Variants in HECW1 observed in about 807,000 individuals in gnomAD.
The protein encoded by HECW1 is HECT, C2 and WW domain containing E3 ubiquitin protein ligase 1.
Under a neutral mutation model 182.3 loss-of-function variants are expected in HECW1, and 61 were observed. The ratio of observed to expected loss-of-function variants is 0.33; its 90% confidence interval spans 0.27 to 0.41. The LOEUF is 0.41. Ranked by LOEUF, HECW1 falls within the 10% of genes least tolerant of loss-of-function variation. The probability of loss-of-function intolerance (pLI) is 1.00; values close to 1 mark genes in which losing one functional copy is unlikely to be tolerated. For synonymous variants in HECW1, 859 were observed against 832.6 expected, an observed-to-expected ratio of 1.03 and a Z score of -0.55; for missense variants, 1,739 against 2,108.9, an observed-to-expected ratio of 0.82 and a Z score of 3.44.
intron 10 of HECW1, among the ~76,000 whole-genome samples, chr7:43,443,001 A>G (rs148305770): frequency 5.7e-4 from 87 of 152,392 alleles, no homozygotes; most frequent in African/African-American, 1.9e-3. Context: ...CCTAGTAACT[A>G]GATATAGACT....
intron 24 of HECW1, among the ~76,000 whole-genome samples, chr7:43,513,247 A>C (rs1563076228): frequency 1.3e-5 from 2 of 152,206 alleles, no homozygotes; most frequent in African/African-American, 4.8e-5. Context: ...TTGCAAAGTC[A>C]GTGATAAATG....
At chr7:43,533,233 C>A (rs1038912521) in intron 24 of HECW1, among the ~76,000 whole-genome samples, 7 of 152,118 alleles carry the variant, frequency 4.6e-5, no homozygotes, top group African/African-American at 1.7e-4. Flanking sequence ...CAACTCTATT[C>A]TTTTGAGAAC....
intron 24 of HECW1, chr7:43,523,216 G>T: frequency 4.2e-6 from 1 of 240,458 alleles, no homozygotes; most frequent in South Asian, 3.7e-5. Context: ...GTTGGCCGGG[G>T]GGGGTCTCGA....
intron 6 of HECW1, among the ~76,000 whole-genome samples, chr7:43,386,361 G>T (rs2074797196): frequency 6.6e-6 from 1 of 152,200 alleles, no homozygotes; most frequent in African/African-American, 2.4e-5. Flanking sequence ...GCTCAGAAGG[G>T]TCCCCCTAGT....
intron 2 of HECW1, among the ~76,000 whole-genome samples, chr7:43,126,892 T>C (rs28573786): frequency 0.069 from 10,504 of 152,210 alleles, 1,235 homozygotes; most frequent in African/African-American, 0.24. Flanking sequence ...TCAATAACTG[T>C]GGTGTGTGTT....
intron 4 of HECW1, among the ~76,000 whole-genome samples, chr7:43,318,835 GT>G (rs1433244478): frequency 6.6e-6 from 1 of 152,354 alleles, no homozygotes; most frequent in East Asian, 1.9e-4. Context: ...CCTTGCCCAG[GT>G]TGTCCCTCCA....
intron 7 of HECW1, among the ~76,000 whole-genome samples, chr7:43,400,421 G>A (rs1015750891): frequency 6.6e-5 from 10 of 152,094 alleles, no homozygotes; most frequent in South Asian, 4.1e-4. Context: ...GACAAACGCC[G>A]GGACTACATG....
intron 26 of HECW1, among the ~76,000 whole-genome samples, chr7:43,544,895 G>T (rs1293405524): frequency 6.6e-6 from 1 of 152,160 alleles, no homozygotes; most frequent in Non-Finnish European, 1.5e-5. Flanking sequence ...CATGAAAAAT[G>T]TCTAAGATAT....
chr7:43,236,895 G>A (rs1421689890), intron 2 of HECW1, among the ~76,000 whole-genome samples: 1 of 152,128 alleles, frequency 6.6e-6, no homozygotes, highest in Non-Finnish European at 1.5e-5. Context: ...ATGGGAAGCA[G>A]GTTTGCCTGC....
At chr7:43,214,911 G>T (rs1029480) in intron 2 of HECW1, among the ~76,000 whole-genome samples, 1 of 152,038 alleles carries the variant, frequency 6.6e-6, no homozygotes, top group Admixed American at 6.5e-5. Context: ...GGGAGGCAGC[G>T]GGTGAGGGGG....
Position 43,541,847 on chromosome 7 carries a change from C to G in HECW1, c.4119-22C>G, listed in dbSNP as rs55737556. The G allele has an allele frequency of 1.4e-4, 204 of 1,438,714 alleles. 1 individual carries two copies. Among genetic ancestry groups the G allele is most frequent in the Non-Finnish European group, 1.1e-4 (124 of 1,091,320 alleles). The allele number at this position is 1,438,714 out of a possible 1,614,324, so 89.1% of individuals were successfully genotyped here. On this transcript the variant is annotated intron_variant, in intron 25 of 29. Transcript: ENST00000395891. ...GGCAGCCATTTGTTTGGTAATTTGC[C>G]TTTCTCACTGAATTCACCCAGGCCC...
chr7:43,304,648 C>T (rs57314844), intron 3 of HECW1, among the ~76,000 whole-genome samples: 39,842 of 151,806 alleles, frequency 0.26, 5,545 homozygotes, highest in East Asian at 0.5. Flanking sequence ...CGTGTCACCA[C>T]ACATGGCTAA....
intron 24 of HECW1, among the ~76,000 whole-genome samples, chr7:43,513,450 C>T (rs997756818): frequency 6.6e-6 from 1 of 152,154 alleles, no homozygotes; most frequent in Non-Finnish European, 1.5e-5. Context: ...TCTGAAAGCT[C>T]CCCTTTGAGA....
At chr7:43,457,363 A>G (rs1287363010) in intron 13 of HECW1, among the ~76,000 whole-genome samples, 1 of 152,244 alleles carries the variant, frequency 6.6e-6, no homozygotes, top group Non-Finnish European at 1.5e-5. Context: ...AAGTTGAGAA[A>G]GACGAAAAAG....
rs531593481 is a variant in HECW1, at chr7:43,316,320, A to G, written c.352+4233A>G. On this transcript the variant is annotated intron_variant, in intron 4 of 29. Coordinates refer to ENST00000395891, the MANE Select transcript of HECW1 (RefSeq NM_015052.5). ...AATGTACGATGACAAAATCTTGAAC[A>G]GTACTGATGTGAGCTAGTGCTTCAA... is the stretch of plus-strand genomic sequence containing the variant. Among the ~76,000 whole-genome samples the G allele has an allele frequency of 2.0e-3, 309 of 152,304 alleles. 1 individual carries two copies. Among genetic ancestry groups the G allele is most frequent in the South Asian group, 8.5e-3 (41 of 4,824 alleles).
intron 5 of HECW1, among the ~76,000 whole-genome samples, chr7:43,336,195 T>A (rs1812259474): frequency 7.4e-6 from 1 of 135,724 alleles, no homozygotes. Context: ...TCTCTCTCTC[T>A]CTCTTTCACT....
chr7:43,453,757 C>CTA (rs1488577971), intron 12 of HECW1, among the ~76,000 whole-genome samples: 1 of 152,166 alleles, frequency 6.6e-6, no homozygotes, highest in East Asian at 1.9e-4. Flanking sequence ...ACCTGCACTG[C>CTA]TATAACTTGC....
chr7:43,226,117 C>G (rs1013092815), intron 2 of HECW1, among the ~76,000 whole-genome samples: 1 of 152,000 alleles, frequency 6.6e-6, no homozygotes, highest in South Asian at 2.1e-4. Flanking sequence ...TTTTTAGATG[C>G]CTACATGAAA....
At chr7:43,190,065 C>T (rs1368594147) in intron 2 of HECW1, among the ~76,000 whole-genome samples, 1 of 151,748 alleles carries the variant, frequency 6.6e-6, no homozygotes, top group East Asian at 1.9e-4. Context: ...TCACACACCC[C>T]TGGTCACAGC....
Sources: gnomAD v4.1 joint callset for allele counts (sites outside exome capture counted in the v4.1 genomes callset) on GRCh38, gnomAD v4.1.1 for gene constraint, MANE v1.5 for transcripts, NCBI Gene and HGNC (gene_info 2026-07-23, HGNC 2026-07-21) for gene names.